The following RGS6 variants were observed in gnomAD, a reference collection of about 807,000 sequenced individuals.
RGS6 encodes regulator of G-protein signaling 6.
RGS6 carries 30 observed loss-of-function variants against 78.5 expected under a neutral mutation model. The ratio of observed to expected loss-of-function variants is 0.38; its 90% CI spans 0.29 to 0.52. The LOEUF (loss-of-function observed/expected upper bound fraction) is 0.52, where lower values mean the gene tolerates loss of function less well. Ranked by LOEUF, RGS6 falls within the 20% of genes least tolerant of loss-of-function variation. The probability of loss-of-function intolerance (pLI) is 0.85; values close to 1 mark genes in which losing one functional copy is unlikely to be tolerated. For synonymous variants in RGS6, 206 were observed against 206.0 expected (o/e 1.00, Z 0.00); for missense variants, 495 against 609.7 (o/e 0.81, Z 1.98).
intron 3 of RGS6, among the ~76,000 whole-genome samples, chr14:72,422,393 A>G (rs372196320): frequency 6.6e-6 from 1 of 152,356 alleles, no homozygotes; most frequent in South Asian, 2.1e-4. Context: ...TATATTTATT[A>G]TAAGTTATAA....
At chr14:71,977,854 A>G (rs1387376360) in intron 2 of RGS6, among the ~76,000 whole-genome samples, 1 of 152,120 alleles carries the variant, frequency 6.6e-6, no homozygotes, top group Non-Finnish European at 1.5e-5. Flanking sequence ...TACCTTGGGC[A>G]GTATGGCCAT....
At chr14:72,278,882 G>A (rs923624650) in intron 2 of RGS6, among the ~76,000 whole-genome samples, 4 of 151,970 alleles carry the variant, frequency 2.6e-5, no homozygotes, top group Non-Finnish European at 4.4e-5. Flanking sequence ...TGCAGGGTTC[G>A]GTTTCTGGTG....
At chr14:72,292,723 T>G (rs1468499106) in intron 2 of RGS6, among the ~76,000 whole-genome samples, 1 of 152,186 alleles carries the variant, frequency 6.6e-6, no homozygotes, top group African/African-American at 2.4e-5. Context: ...ATGTATAGTT[T>G]CTTAAGAGCA....
intron 10 of RGS6, among the ~76,000 whole-genome samples, chr14:72,474,901 G>T (rs867242245): frequency 1.3e-5 from 2 of 152,176 alleles, no homozygotes; most frequent in Non-Finnish European, 1.5e-5. Context: ...TCCTCATGGA[G>T]CCCACAGCCT....
Position 72,057,522 on chromosome 14 carries a change from A to G in RGS6, c.84+92647A>G, listed in dbSNP as rs957241089. Reference sequence around the variant, plus strand: ...GGAGAGCCACTGGTTCTGCTGGCCTACATGCAAAGTGTATCTATCTCTCTG... The same window carrying G: ...GGAGAGCCACTGGTTCTGCTGGCCTGCATGCAAAGTGTATCTATCTCTCTG... On this transcript the variant is annotated intron_variant, in intron 2 of 17. Transcript: ENST00000553525. 4.6e-5 allele frequency among the ~76,000 whole-genome samples: 7 copies of G among 152,070 alleles called. No individual in the cohort carries two copies. In the East Asian group the frequency reaches 1.4e-3, roughly 30 times the overall value.
chr14:72,012,058 A>C (rs922832740), intron 2 of RGS6, among the ~76,000 whole-genome samples: 1 of 152,222 alleles, frequency 6.6e-6, no homozygotes, highest in Non-Finnish European at 1.5e-5. Flanking sequence ...TGGGAACACA[A>C]CCAAAAAGAT....
chr14:72,491,344 A>G (rs1029286893), intron 12 of RGS6, among the ~76,000 whole-genome samples: 33 of 94,058 alleles, frequency 3.5e-4, no homozygotes, highest in Non-Finnish European at 6.3e-4. Flanking sequence ...ATATTAAAAA[A>G]GAAAAAAATC....
At chr14:72,540,151 C>A in intron 17 of RGS6, 57 bp downstream of exon 17, 3 of 1,499,134 alleles carry the variant, frequency 2.0e-6, no homozygotes, top group Non-Finnish European at 2.7e-6. Context: ...TTTTTTCTTT[C>A]TTCTTCTTTT....
intron 2 of RGS6, among the ~76,000 whole-genome samples, chr14:72,246,305 A>G (rs547090911): frequency 7.2e-5 from 11 of 152,234 alleles, no homozygotes; most frequent in Non-Finnish European, 1.5e-4. Context: ...TTTAAAAAGT[A>G]GGTTCAAAAT....
chr14:72,496,465 A>G (rs74063431), intron 13 of RGS6, among the ~76,000 whole-genome samples: 2,438 of 152,344 alleles, frequency 0.016, 53 homozygotes, highest in African/African-American at 0.051. Context: ...GAACTGCACA[A>G]AAATTAACAT....
chr14:72,468,642 C>A (rs2095990056), intron 7 of RGS6, among the ~76,000 whole-genome samples: 1 of 151,970 alleles, frequency 6.6e-6, no homozygotes, highest in African/African-American at 2.4e-5. Context: ...CATAAACATT[C>A]TTGTGGCAGC....
chr14:72,330,137 C>T (rs1402065), intron 2 of RGS6, among the ~76,000 whole-genome samples: 8,303 of 152,292 alleles, frequency 0.055, 349 homozygotes, highest in East Asian at 0.26. Context: ...CTAGGATCTA[C>T]CATTGGGATC....
intron 2 of RGS6, among the ~76,000 whole-genome samples, chr14:72,263,305 T>A (rs906898201): frequency 6.6e-6 from 1 of 152,144 alleles, no homozygotes; most frequent in Non-Finnish European, 1.5e-5. Context: ...ATCAGAACCT[T>A]TTTGAAAGTC....
At chr14:72,368,651 C>T (rs549525671) in intron 3 of RGS6, among the ~76,000 whole-genome samples, 1 of 152,322 alleles carries the variant, frequency 6.6e-6, no homozygotes, top group South Asian at 2.1e-4. Context: ...ATCTCTTTCT[C>T]ACAAATAGAG....
chr14:72,030,933 C>A (rs1261617913), intron 2 of RGS6, among the ~76,000 whole-genome samples: 1 of 151,426 alleles, frequency 6.6e-6, no homozygotes, highest in Non-Finnish European at 1.5e-5. Context: ...GGCTTGATAG[C>A]ACTTACATAT....
At chr14:72,525,672 G>C (rs1055617638) in intron 15 of RGS6, among the ~76,000 whole-genome samples, 6 of 152,218 alleles carry the variant, frequency 3.9e-5, no homozygotes, top group Non-Finnish European at 8.8e-5. Flanking sequence ...TTCAGAAGTA[G>C]AAGTCTTCCC....
chr14:71,990,839 T>C (rs745791227), intron 2 of RGS6: 2 of 456,056 alleles, frequency 4.4e-6, no homozygotes, highest in South Asian at 3.1e-5. Flanking sequence ...ACATAACAGG[T>C]AGAACATAGC....
chr14:72,292,802 G>A (rs1025805175), intron 2 of RGS6, among the ~76,000 whole-genome samples: 4 of 152,190 alleles, frequency 2.6e-5, no homozygotes, highest in African/African-American at 9.6e-5. Context: ...CTTTGTAAAG[G>A]TGCATGAGGA....
chr14:72,389,965 A>G (rs1403043364), intron 3 of RGS6, among the ~76,000 whole-genome samples: 1 of 152,192 alleles, frequency 6.6e-6, no homozygotes, highest in East Asian at 1.9e-4. Context: ...TTGTATCATT[A>G]AAGACTCAAA....
Sources: gnomAD v4.1 joint callset for allele counts (sites outside exome capture counted in the v4.1 genomes callset) on GRCh38, gnomAD v4.1.1 for gene constraint, MANE v1.5 for transcripts, NCBI Gene and HGNC (gene_info 2026-07-23, HGNC 2026-07-21) for gene names.